Variants in TMEM150C observed in about 807,000 individuals in gnomAD.
TMEM150C encodes the protein tentonin 3.
In TMEM150C, 10 loss-of-function variants were observed where a neutral mutation model predicts 29.9. That is an observed-to-expected ratio of 0.33 (90% CI 0.21 to 0.57). The LOEUF (loss-of-function observed/expected upper bound fraction) is 0.57. Among genes scored for constraint, TMEM150C ranks in the 20% least tolerant of loss-of-function variants. The pLI, the probability that TMEM150C is intolerant of heterozygous loss-of-function variation, is 0.88. For synonymous variants in TMEM150C, 101 were observed against 112.5 expected, an observed-to-expected ratio of 0.90 and a Z score of 0.64; for missense variants, 251 against 303.6, an observed-to-expected ratio of 0.83 and a Z score of 1.29.
At chr4:82,527,957 G>A (rs1014421203) in intron 1 of TMEM150C, among the ~76,000 whole-genome samples, 1 of 152,162 alleles carries the variant, frequency 6.6e-6, no homozygotes, top group African/African-American at 2.4e-5. Context: ...AAAAGGCAAG[G>A]AGCAGGAAAA....
chr4:82,499,447 C>T (rs772660390), intron 5 of TMEM150C, among the ~76,000 whole-genome samples: 6 of 152,044 alleles, frequency 3.9e-5, no homozygotes, highest in East Asian at 3.9e-4. Flanking sequence ...AGAGGCCGGG[C>T]GCGGTGGCTC....
At chr4:82,521,280 G>C (rs1724476601) in intron 1 of TMEM150C, among the ~76,000 whole-genome samples, 1 of 152,156 alleles carries the variant, frequency 6.6e-6, no homozygotes, top group African/African-American at 2.4e-5. Flanking sequence ...CGAGGGTAGG[G>C]ATTTTTACCT....
In TMEM150C at chr4:82,561,960, TGGC is replaced by T; in HGVS notation, c.-68_-66del. The T allele has an allele frequency of 9.1e-7, 1 of 1,104,170 alleles. No homozygotes were observed. Among genetic ancestry groups the T allele is most frequent in the Admixed American group, 5.4e-5 (1 of 18,558 alleles). The allele number at this position is 1,104,170 out of a possible 1,614,324, so 68.4% of individuals were successfully genotyped here. On this transcript the variant is annotated 5_prime_UTR_variant, in exon 1 of 8. Transcript: ENST00000449862. ...CTCGAGGGGCTGTGACCTGCTGCGGTGGCGGCGGCGGCAGCAGTAGCGGCGGGT... is the reference window on the plus strand; with the variant it reads ...CTCGAGGGGCTGTGACCTGCTGCGGTGGCGGCGGCAGCAGTAGCGGCGGGT...
intron 1 of TMEM150C, among the ~76,000 whole-genome samples, chr4:82,546,040 C>T (rs1329325419): frequency 6.6e-6 from 1 of 151,990 alleles, no homozygotes; most frequent in East Asian, 1.9e-4. Flanking sequence ...AGGAGGTAAA[C>T]GATCTCTATA....
chr4:82,517,230 C>A (rs966572037), intron 1 of TMEM150C, among the ~76,000 whole-genome samples: 1 of 152,170 alleles, frequency 6.6e-6, no homozygotes, highest in Non-Finnish European at 1.5e-5. Context: ...CCAATGATGT[C>A]ATTTCATGTT....
At position 82,521,812 on chromosome 4, in the gene TMEM150C, C is replaced by A. The variant is rs559668070; in HGVS notation, c.-10-17145G>T. On this transcript the variant is annotated intron_variant, in intron 1 of 7. Coordinates refer to ENST00000449862, the MANE Select transcript of TMEM150C (RefSeq NM_001080506.3). ...CAGACTGTGTGGGGCCAGGACAGAACGCTCAGGAGGGGGACTGAAGGAGGC... is the reference window on the plus strand; with the variant it reads ...CAGACTGTGTGGGGCCAGGACAGAAAGCTCAGGAGGGGGACTGAAGGAGGC... Among the ~76,000 whole-genome samples the A allele has an allele frequency of 2.0e-5, 3 of 152,236 alleles. No homozygotes were observed. In the East Asian group the frequency reaches 5.8e-4, roughly 29 times the overall value.
At chr4:82,561,490 C>A (rs1342763795) in intron 1 of TMEM150C, among the ~76,000 whole-genome samples, 1 of 152,064 alleles carries the variant, frequency 6.6e-6, no homozygotes, top group African/African-American at 2.4e-5. Context: ...CGCTTCTCAC[C>A]CGAGTCCACC....
In TMEM150C at chr4:82,490,690, C is replaced by A. The variant is rs1482577913; in HGVS notation, c.364-452G>T. On this transcript the variant is annotated intron_variant, in intron 6 of 7. Transcript: ENST00000449862. ...TCACGGCTCCCTGGCTCAAAGCGAT[C>A]CTCCCACCTCAGCCTCTGGAGTAGC... The A allele has an allele frequency of 9.3e-6, 3 of 322,980 alleles. No individual in the cohort carries two copies. In the Admixed American group the frequency reaches 1.2e-4, roughly 13 times the overall value. The allele number at this position is 322,980 out of a possible 1,614,324, so 20.0% of individuals were successfully genotyped here. A position where few individuals can be genotyped will look rare whatever the true frequency, so the allele number is the denominator to read the frequency against.
chr4:82,508,956 G>A (rs1270906034), intron 1 of TMEM150C, among the ~76,000 whole-genome samples: 1 of 152,080 alleles, frequency 6.6e-6, no homozygotes, highest in East Asian at 1.9e-4. Context: ...TTCTTGAAAG[G>A]GTTCTGGCAT....
intron 7 of TMEM150C, among the ~76,000 whole-genome samples, chr4:82,486,335 TAAAAAA>T (rs527967958): frequency 6.4e-4 from 33 of 51,300 alleles, no homozygotes; most frequent in African/African-American, 2.5e-3. Context: ...GACTCCATCT[TAAAAAA>T]AAAAAAAAAA....
At chr4:82,497,357 G>A (rs6840169) in intron 5 of TMEM150C, among the ~76,000 whole-genome samples, 138,136 of 152,278 alleles carry the variant, frequency 0.91, 62,851 homozygotes, top group East Asian at 1. Flanking sequence ...TACCCTATTT[G>A]TACAGCAATT....
intron 1 of TMEM150C, among the ~76,000 whole-genome samples, chr4:82,542,363 C>T (rs1425540850): frequency 1.3e-5 from 2 of 152,144 alleles, no homozygotes; most frequent in East Asian, 3.9e-4. Context: ...AAGCGAGGAA[C>T]TGGAAGAAAA....
At chr4:82,561,717 C>A (rs1207578202) in intron 1 of TMEM150C, among the ~76,000 whole-genome samples, 189 bp downstream of exon 1, 1 of 147,136 alleles carries the variant, frequency 6.8e-6, no homozygotes, top group Non-Finnish European at 1.5e-5. Flanking sequence ...GCGGGCGGCC[C>A]CGCGCCCGGG....
chr4:82,530,239 G>A (rs997494919), intron 1 of TMEM150C, among the ~76,000 whole-genome samples: 16 of 152,084 alleles, frequency 1.1e-4, no homozygotes, highest in Non-Finnish European at 2.2e-4. Flanking sequence ...GAGGTGTGAG[G>A]AGGGTGAACA....
intron 1 of TMEM150C, among the ~76,000 whole-genome samples, chr4:82,508,389 C>A (rs1366171902): frequency 6.6e-6 from 1 of 152,086 alleles, no homozygotes; most frequent in Non-Finnish European, 1.5e-5. Flanking sequence ...GAGATCCTCC[C>A]ACTTCAACCT....
chr4:82,536,378 A>G (rs1725005504), intron 1 of TMEM150C, among the ~76,000 whole-genome samples: 1 of 149,660 alleles, frequency 6.7e-6, no homozygotes, highest in East Asian at 2.0e-4. Context: ...AAAAAAAAAA[A>G]GAATTATTTA....
intron 2 of TMEM150C, among the ~76,000 whole-genome samples, chr4:82,503,573 G>A (rs539371042): frequency 7.9e-5 from 12 of 152,268 alleles, no homozygotes; most frequent in African/African-American, 1.9e-4. Context: ...ATATCAGGCC[G>A]GGCGCAGTGG....
At chr4:82,519,915 G>A (rs1436309420) in intron 1 of TMEM150C, among the ~76,000 whole-genome samples, 2 of 152,146 alleles carry the variant, frequency 1.3e-5, no homozygotes, top group Non-Finnish European at 1.5e-5. Context: ...GACCTCAGTC[G>A]ACTATGAGTA....
chr4:82,520,320 C>T (rs1036690904), intron 1 of TMEM150C, among the ~76,000 whole-genome samples: 1 of 152,204 alleles, frequency 6.6e-6, no homozygotes, highest in Admixed American at 6.5e-5. Context: ...AGTGTGGACA[C>T]CTTTCTATGT....
Sources: allele counts gnomAD v4.1 joint callset (sites outside exome capture counted in the v4.1 genomes callset), GRCh38; gene constraint gnomAD v4.1.1; transcripts MANE v1.5; gene names NCBI Gene and HGNC (gene_info 2026-07-23, HGNC 2026-07-21).